The following CENPP variants were observed in gnomAD, a reference collection of about 807,000 sequenced individuals.
The protein encoded by CENPP is centromere protein P.
A neutral mutation model predicts 35.6 loss-of-function variants in CENPP; 24 were observed. That is an observed-to-expected ratio of 0.67 (90% CI 0.49 to 0.95). The LOEUF (loss-of-function observed/expected upper bound fraction) is 0.95. Among genes scored for constraint, CENPP ranks in the 40% least tolerant of loss-of-function variants. The pLI, the probability that CENPP is intolerant of heterozygous loss-of-function variation, is 0.00. For missense variants in CENPP, 332 were observed against 345.3 expected, an observed-to-expected ratio of 0.96 and a Z score of 0.31; for synonymous variants, 120 against 125.5, an observed-to-expected ratio of 0.96 and a Z score of 0.29.
intron 5 of CENPP, among the ~76,000 whole-genome samples, chr9:92,595,644 C>T (rs566784952): frequency 4.0e-5 from 6 of 151,836 alleles, no homozygotes; most frequent in African/African-American, 1.4e-4. Flanking sequence ...CGGCTCACTG[C>T]AACCTCCGTC....
chr9:92,340,663 A>G (rs1841085991), intron 3 of CENPP, among the ~76,000 whole-genome samples: 1 of 152,148 alleles, frequency 6.6e-6, no homozygotes. Flanking sequence ...GTCTCTAAAC[A>G]TAAATTGTGA....
intron 5 of CENPP, among the ~76,000 whole-genome samples, chr9:92,477,281 T>C (rs1845745397): frequency 6.6e-6 from 1 of 152,198 alleles, no homozygotes; most frequent in Admixed American, 6.5e-5. Context: ...CCTGGCACAT[T>C]GTCTCTGTGC....
intron 5 of CENPP, among the ~76,000 whole-genome samples, chr9:92,467,508 G>A (rs1024683723): frequency 2.6e-5 from 4 of 152,154 alleles, no homozygotes; most frequent in South Asian, 2.1e-4. Context: ...GCCACTAAGC[G>A]TCTTCAGGAC....
intron 5 of CENPP, among the ~76,000 whole-genome samples, chr9:92,580,666 T>C (rs1445962670): frequency 1.1e-4 from 16 of 149,198 alleles, no homozygotes; most frequent in East Asian, 2.0e-4. Flanking sequence ...TATCATTTTT[T>C]ATTGCATCTA....
rs1564292803 is a variant in CENPP, at chr9:92,390,064, G to A, written c.564+10205G>A. The A allele has an allele frequency of 2.0e-6, 3 of 1,499,462 alleles. No homozygotes were observed. The Admixed American group carries it at 5.8e-5, about 29-fold the overall frequency. The allele number at this position is 1,499,462 out of a possible 1,614,324, so 92.9% of individuals were successfully genotyped here. A position where few individuals can be genotyped will look rare whatever the true frequency, so the allele number is the denominator to read the frequency against. On this transcript the variant is annotated intron_variant, in intron 5 of 7. Coordinates refer to ENST00000375587, the MANE Select transcript of CENPP (RefSeq NM_001012267.3). Reference sequence around the variant, plus strand: ...CGAGTCTTCTTAAGTTAGCTAGAGGGAAAAAAATATAAAAAACAACTACGT... The same window carrying A: ...CGAGTCTTCTTAAGTTAGCTAGAGGAAAAAAAATATAAAAAACAACTACGT...
rs1449834648 is a variant in CENPP at position 92,476,680 on chromosome 9, A to G, written c.564+96821A>G. On this transcript the variant is annotated intron_variant, in intron 5 of 7. Transcript: ENST00000375587. This position sits in a 1 kb window ranked among gnomAD's most constrained non-coding sequence, Gnocchi z 4.1. ...TGATTCCAATTTCAAAACTAGCCCT[A>G]GCCTCCCATCTGTACACTACTTTGT... Among the ~76,000 whole-genome samples, 6 of 152,232 alleles carry G rather than the reference A, an allele frequency of 3.9e-5. No individual in the cohort carries two copies. The highest frequency in any genetic ancestry group is 8.8e-5 in the Non-Finnish European group (6 of 68,042).
chr9:92,419,073 G>T (rs1843706213), intron 5 of CENPP, among the ~76,000 whole-genome samples: 1 of 152,090 alleles, frequency 6.6e-6, no homozygotes, highest in Admixed American at 6.6e-5. Context: ...GCAGGAGGAG[G>T]ATATTGTGTG....
rs1363465486 is a variant in CENPP, at chr9:92,453,293, T to C, written c.564+73434T>C. ...TGAATGTGTCCCAGGGATTCTGGTA[T>C]GTTGTGTCTTTGTTCTCATTGGTTT... On this transcript the variant is annotated intron_variant, in intron 5 of 7. Transcript: ENST00000375587. Among the ~76,000 whole-genome samples the C allele has an allele frequency of 4.1e-4, 63 of 152,220 alleles. 1 individual carries two copies. Among genetic ancestry groups the C allele is most frequent in the Non-Finnish European group, 8.8e-5 (6 of 68,048 alleles).
chr9:92,382,487 C>T (rs1303115267), intron 5 of CENPP, among the ~76,000 whole-genome samples: 1 of 152,122 alleles, frequency 6.6e-6, no homozygotes, highest in Non-Finnish European at 1.5e-5. Context: ...TATCCTTTAA[C>T]AAATCTCTCC....
intron 5 of CENPP, among the ~76,000 whole-genome samples, chr9:92,532,013 A>ATAT: frequency 1.5e-5 from 1 of 68,952 alleles, no homozygotes; most frequent in African/African-American, 1.2e-4. Context: ...TTTTTATTTA[A>ATAT]TGTTTTTTTT....
chr9:92,552,126 A>C (rs560264718), intron 5 of CENPP, among the ~76,000 whole-genome samples: 1 of 145,206 alleles, frequency 6.9e-6, no homozygotes, highest in Non-Finnish European at 1.5e-5. Context: ...GATATGATAG[A>C]TCTATCATAT....
rs1348684240 is a variant in CENPP, at chr9:92,515,020, T to C, written c.565-96294T>C. On this transcript the variant is annotated intron_variant, in intron 5 of 7. Coordinates refer to ENST00000375587, the MANE Select transcript of CENPP (RefSeq NM_001012267.3). ...GGTCTCTCTCTTTTGCTCTGTATCT[T>C]CTTCTTTCACTTCTTCATCCTCCTC... 5.6e-6 allele frequency: 9 copies of C among 1,614,040 alleles called. No individual in the cohort carries two copies. The South Asian group carries it at 9.9e-5, about 18-fold the overall frequency.
intron 5 of CENPP, among the ~76,000 whole-genome samples, chr9:92,382,309 T>C (rs1389150367): frequency 6.6e-6 from 1 of 152,144 alleles, no homozygotes; most frequent in Non-Finnish European, 1.5e-5. Context: ...ATATAATGTA[T>C]AGTGATCAGA....
chr9:92,572,006 G>C (rs1291410248), intron 5 of CENPP, among the ~76,000 whole-genome samples: 1 of 149,562 alleles, frequency 6.7e-6, no homozygotes, highest in Non-Finnish European at 1.5e-5. Context: ...TGGGTCTCCT[G>C]AATACAGCAC....
intron 5 of CENPP, chr9:92,386,085 C>T (rs970478101): frequency 2.7e-5 from 20 of 743,054 alleles, no homozygotes; most frequent in African/African-American, 7.1e-5. Context: ...TTAGCTATCA[C>T]GCTACTACAG....
At chr9:92,435,129 A>G (rs1158023047) in intron 5 of CENPP, among the ~76,000 whole-genome samples, 1 of 152,204 alleles carries the variant, frequency 6.6e-6, no homozygotes, top group Admixed American at 6.5e-5. Context: ...GACATAATCC[A>G]GGGATGAAAC....
chr9:92,387,193 T>C (rs1413570002), intron 5 of CENPP, among the ~76,000 whole-genome samples: 2 of 151,244 alleles, frequency 1.3e-5, no homozygotes, highest in Admixed American at 1.3e-4. Context: ...GCCAACATGG[T>C]GAAACCCCAT....
chr9:92,484,123 A>AT (rs1845999452), intron 5 of CENPP, among the ~76,000 whole-genome samples: 1 of 152,178 alleles, frequency 6.6e-6, no homozygotes, highest in Non-Finnish European at 1.5e-5. Flanking sequence ...CTTGGGTCAA[A>AT]TTCAGTTTGT....
intron 5 of CENPP, among the ~76,000 whole-genome samples, chr9:92,549,310 A>T (rs1328606558): frequency 6.6e-6 from 1 of 152,228 alleles, no homozygotes; most frequent in Admixed American, 6.5e-5. Flanking sequence ...CAGCTGAGCT[A>T]CTTGATGAGG....
Sources: allele counts gnomAD v4.1 joint callset (sites outside exome capture counted in the v4.1 genomes callset), GRCh38; gene constraint gnomAD v4.1.1; non-coding constraint Gnocchi (gnomAD v3.1); transcripts MANE v1.5; gene names NCBI Gene and HGNC (gene_info 2026-07-23, HGNC 2026-07-21).